Variants in HIBCH observed in about 807,000 individuals in gnomAD.
HIBCH encodes 3-hydroxyisobutyryl-CoA hydrolase.
In HIBCH, 50 loss-of-function variants were observed where a neutral mutation model predicts 58.2. The observed-to-expected ratio is 0.86, with a 90% CI of 0.68 to 1.09. The LOEUF is 1.09. HIBCH is among the 50% of genes least tolerant of loss of function. HIBCH has a pLI of 0.00. For missense variants in HIBCH, 450 were observed against 449.7 expected (o/e 1.00, Z -0.01); for synonymous variants, 151 against 146.9 (o/e 1.03, Z -0.20).
chr2:190,226,686 C>T (rs1472014211), intron 11 of HIBCH, among the ~76,000 whole-genome samples: 1 of 150,528 alleles, frequency 6.6e-6, no homozygotes, highest in African/African-American at 2.4e-5. Context: ...ACCCCATCAT[C>T]TCAGCCCCAA....
In HIBCH at chr2:190,197,102, A is replaced by T. The variant is rs6712711; in HGVS notation, c.*18-7105T>A. ...GGGGTCTCTTTTATGAGAGCACTAAAACTCTAATATCATCACCCAAAGGCC... is the reference window on the plus strand; with the variant it reads ...GGGGTCTCTTTTATGAGAGCACTAATACTCTAATATCATCACCCAAAGGCC... On this transcript the variant is annotated intron_variant, in intron 1 of 1. Coordinates refer to the HIBCH transcript ENST00000399855. This position sits in a 1 kb window ranked among gnomAD's most constrained non-coding sequence, Gnocchi z 4.0. Among the ~76,000 whole-genome samples, 151,137 of 152,254 alleles carry T rather than the reference A, an allele frequency of 0.99. 75,028 individuals are homozygous for T. The highest frequency in any genetic ancestry group is 1 in the East Asian group (5,186 of 5,186).
rs565313143 is a variant in HIBCH, at chr2:190,304,505, A to G, written c.78+6249T>C. 6.6e-6 allele frequency among the ~76,000 whole-genome samples: 1 copy of G among 152,312 alleles called. No homozygotes were observed. Among genetic ancestry groups the G allele is most frequent in the Admixed American group, 6.5e-5 (1 of 15,294 alleles). ...ATGGATTAATCCTTCGTGAGGACAG[A>G]GGCCTCGTGACCCAATCACCTCCCA... On this transcript the variant is annotated intron_variant, in intron 2 of 13. Transcript: ENST00000359678. The surrounding 1 kb of genome is among the most constrained non-coding windows in gnomAD (Gnocchi z 4.1).
At chr2:190,271,455 A>G (rs188271389) in intron 6 of HIBCH, among the ~76,000 whole-genome samples, 2 of 151,458 alleles carry the variant, frequency 1.3e-5, no homozygotes, top group African/African-American at 4.9e-5. Flanking sequence ...GGGCCCAGCT[A>G]ATTTTTGTTA....
At chr2:190,190,850 T>C (rs1459010873) in intron 1 of HIBCH, among the ~76,000 whole-genome samples, 1 of 152,184 alleles carries the variant, frequency 6.6e-6, no homozygotes, top group Non-Finnish European at 1.5e-5. Flanking sequence ...ATGTTTAGAT[T>C]TGTTACAGCC....
At chr2:190,195,565 T>G (rs1235181622) in intron 1 of HIBCH, among the ~76,000 whole-genome samples, 4 of 152,216 alleles carry the variant, frequency 2.6e-5, no homozygotes, top group African/African-American at 4.8e-5. Flanking sequence ...AAGACTTCCG[T>G]GAGGTGTCTG....
intron 2 of HIBCH, among the ~76,000 whole-genome samples, chr2:190,309,985 A>G (rs1207898724): frequency 1.3e-5 from 2 of 152,246 alleles, no homozygotes; most frequent in Non-Finnish European, 2.9e-5. Flanking sequence ...ACCCACCCTC[A>G]GTCTGAGTGG....
chr2:190,249,408 G>A (rs967757953), intron 9 of HIBCH, among the ~76,000 whole-genome samples: 10 of 152,204 alleles, frequency 6.6e-5, no homozygotes, highest in Non-Finnish European at 1.5e-4. Flanking sequence ...ATGCACTGAA[G>A]TTAACCAGCA....
chr2:190,290,402 T>C lies in HIBCH; in HGVS notation c.385+3A>G, dbSNP rs1226144607. 1.3e-6 allele frequency: 2 copies of C among 1,590,528 alleles called. No homozygotes were observed. Among genetic ancestry groups the C allele is most frequent in the African/African-American group, 1.3e-5 (1 of 74,342 alleles). On this transcript the variant is annotated splice_donor_region_variant and intron_variant, in intron 5 of 13. Transcript: ENST00000359678. ...TCCAAAGCTCTGAGCAGAATACACA[T>C]ACCAACAGCATTATTCAGCATATAT...
chr2:190,195,941 CTTTTT>C (rs35679833), intron 1 of HIBCH, among the ~76,000 whole-genome samples: 20 of 86,196 alleles, frequency 2.3e-4, no homozygotes, highest in African/African-American at 5.8e-4. Context: ...CTGTGTCCAG[CTTTTT>C]TTTTTTTTTT....
chr2:190,216,716 G>C lies in HIBCH; in HGVS notation c.892-3641C>G, dbSNP rs942956345. ...TAAAAACCCAATAGAGGCAAAAGAG[G>C]ATGCCAGTTTGCAATCCCTGAAGTA... On this transcript the variant is annotated intron_variant, in intron 11 of 13. Transcript: ENST00000359678. This position sits in a 1 kb window ranked among gnomAD's most constrained non-coding sequence, Gnocchi z 4.2. Among the ~76,000 whole-genome samples, 4 of 152,240 alleles carry C rather than the reference G, an allele frequency of 2.6e-5. No individual in the cohort carries two copies. Among genetic ancestry groups the C allele is most frequent in the African/African-American group, 9.6e-5 (4 of 41,468 alleles).
chr2:190,309,946 C>A (rs1688515829), intron 2 of HIBCH, among the ~76,000 whole-genome samples: 1 of 152,154 alleles, frequency 6.6e-6, no homozygotes, highest in South Asian at 2.1e-4. Flanking sequence ...AGGAGATTAA[C>A]ATTCAAGTCG....
chr2:190,223,759 T>C (rs527460174), intron 11 of HIBCH, among the ~76,000 whole-genome samples: 1 of 152,328 alleles, frequency 6.6e-6, no homozygotes, highest in East Asian at 1.9e-4. Flanking sequence ...AAGGAGCTCA[T>C]GTAATATACC....
At chr2:190,194,173 T>C (rs1243206548) in intron 1 of HIBCH, among the ~76,000 whole-genome samples, 1 of 152,208 alleles carries the variant, frequency 6.6e-6, no homozygotes, top group African/African-American at 2.4e-5. Context: ...CAATAGTCTA[T>C]CTTGGTGAAT....
intron 1 of HIBCH, among the ~76,000 whole-genome samples, chr2:190,316,906 G>A (rs1031897680): frequency 6.6e-6 from 1 of 152,112 alleles, no homozygotes; most frequent in Non-Finnish European, 1.5e-5. Flanking sequence ...CAACCTAAAA[G>A]TACCCTCTTC....
intron 2 of HIBCH, among the ~76,000 whole-genome samples, chr2:190,298,106 T>G (rs751504614): frequency 6.6e-5 from 10 of 152,204 alleles, no homozygotes; most frequent in Admixed American, 5.9e-4. Flanking sequence ...CATGGCTGCA[T>G]AGTATTCCAT....
intron 1 of HIBCH, among the ~76,000 whole-genome samples, chr2:190,313,999 A>C (rs369259558): frequency 3.9e-4 from 59 of 152,212 alleles, no homozygotes; most frequent in Non-Finnish European, 6.5e-4. Context: ...AAAAATCCAG[A>C]ATGACTTTGG....
intron 1 of HIBCH, among the ~76,000 whole-genome samples, chr2:190,312,665 AATAATACT>A (rs1688591017): frequency 6.6e-6 from 1 of 152,248 alleles, no homozygotes; most frequent in Non-Finnish European, 1.5e-5. Context: ...ATTCAAATTG[AATAATACT>A]ATACAAAAGA....
Position 190,254,790 on chromosome 2 carries a change from C to T in HIBCH, c.518-2483G>A, listed in dbSNP as rs115847709. Among the ~76,000 whole-genome samples the T allele has an allele frequency of 0.022, 3,286 of 152,212 alleles. 124 individuals carry two copies. Among genetic ancestry groups the T allele is most frequent in the African/African-American group, 0.073 (3,043 of 41,498 alleles). On this transcript the variant is annotated intron_variant, in intron 7 of 13. Transcript: ENST00000359678. This position sits in a 1 kb window ranked among gnomAD's most constrained non-coding sequence, Gnocchi z 5.0. ...TTCAACTCTATACCTCCAAACTACT[C>T]CAAAGCCAAAATCTCTCCAGACTGT... is the stretch of plus-strand genomic sequence containing the variant.
chr2:190,306,480 T>C lies in HIBCH; in HGVS notation c.78+4274A>G, dbSNP rs1452291125. Among the ~76,000 whole-genome samples the C allele has an allele frequency of 3.9e-5, 6 of 152,142 alleles. No homozygotes were observed. Among genetic ancestry groups the C allele is most frequent in the Non-Finnish European group, 1.5e-5 (1 of 68,028 alleles). ...GACAGCAGACTTATTTACAGCTTAC[T>C]AAAACCAGCAGGTTTCCCAAATTGC... On this transcript the variant is annotated intron_variant, in intron 2 of 13. Transcript: ENST00000359678. This position sits in a 1 kb window ranked among gnomAD's most constrained non-coding sequence, Gnocchi z 4.6.
Sources: allele counts gnomAD v4.1 joint callset (sites outside exome capture counted in the v4.1 genomes callset), GRCh38; gene constraint gnomAD v4.1.1; non-coding constraint Gnocchi (gnomAD v3.1); transcripts MANE v1.5; gene names NCBI Gene and HGNC (gene_info 2026-07-23, HGNC 2026-07-21).